Variants in CSMD1 observed in about 807,000 individuals in gnomAD.
CSMD1 encodes CUB and Sushi multiple domains 1, also known as CUB and sushi domain-containing protein 1.
Under a neutral mutation model 417.5 loss-of-function variants are expected in CSMD1, and 213 were observed. The ratio of observed to expected loss-of-function variants is 0.51; its 90% CI spans 0.46 to 0.57. The LOEUF (loss-of-function observed/expected upper bound fraction) is 0.57, where lower values mean the gene tolerates loss of function less well. CSMD1 is among the 20% of genes least tolerant of loss of function. The probability of loss-of-function intolerance (pLI) is 0.00; values close to 1 mark genes in which losing one functional copy is unlikely to be tolerated. For missense variants in CSMD1, 6,923 were observed against 4,529.7 expected, an observed-to-expected ratio of 1.53 and a Z score of -15.17; for synonymous variants, 2,862 against 1,736.8, an observed-to-expected ratio of 1.65 and a Z score of -16.11.
chr8:4,181,533 G>A (rs115720721), intron 3 of CSMD1, among the ~76,000 whole-genome samples: 1 of 152,066 alleles, frequency 6.6e-6, no homozygotes, highest in Non-Finnish European at 1.5e-5. Context: ...AATATTTTAA[G>A]AAAGTTTATG....
intron 1 of CSMD1, among the ~76,000 whole-genome samples, chr8:4,905,949 C>T (rs1217496783): frequency 6.6e-6 from 1 of 152,118 alleles, no homozygotes; most frequent in Admixed American, 6.6e-5. Context: ...TTCCCAAACC[C>T]CCATTCATTC....
intron 3 of CSMD1, among the ~76,000 whole-genome samples, chr8:4,305,434 AAAGT>A (rs1229372727): frequency 6.6e-6 from 1 of 152,170 alleles, no homozygotes; most frequent in African/African-American, 2.4e-5. Flanking sequence ...TAATCGACTA[AAAGT>A]AAGGTAAGCC....
intron 1 of CSMD1, among the ~76,000 whole-genome samples, chr8:4,718,816 T>C (rs1003656048): frequency 1.3e-5 from 2 of 152,058 alleles, no homozygotes; most frequent in Middle Eastern, 3.5e-3. Context: ...ACATGAAATA[T>C]TCAAGACCAA....
chr8:4,555,828 G>C (rs943281487), intron 2 of CSMD1, among the ~76,000 whole-genome samples: 11 of 152,014 alleles, frequency 7.2e-5, no homozygotes, highest in African/African-American at 2.7e-4. Flanking sequence ...TATACTTTAA[G>C]CCAGAGTTAT....
At chr8:3,681,621 A>T (rs927939613) in intron 7 of CSMD1, among the ~76,000 whole-genome samples, 4 of 152,210 alleles carry the variant, frequency 2.6e-5, no homozygotes, top group Admixed American at 2.6e-4. Context: ...TGCCCAAGGT[A>T]ATTTATAGAT....
rs146193541 is a variant in CSMD1 at position 4,228,854 on chromosome 8, G to T, written c.415+191099C>A. On this transcript the variant is annotated intron_variant, in intron 3 of 69. Transcript: ENST00000635120. ...GCACCACTGTGCCCAGCTAATTTTTGTATTTTTAGTAGAGACCGGCTTTCC... is the reference window on the plus strand; with the variant it reads ...GCACCACTGTGCCCAGCTAATTTTTTTATTTTTAGTAGAGACCGGCTTTCC... 5.0e-3 allele frequency among the ~76,000 whole-genome samples: 760 copies of T among 151,956 alleles called. 6 individuals carry two copies. Among genetic ancestry groups the T allele is most frequent in the African/African-American group, 0.017 (723 of 41,458 alleles).
In CSMD1 at chr8:4,766,396, G is replaced by A. The variant is rs184036984; in HGVS notation, c.86-128838C>T. Among the ~76,000 whole-genome samples, 7 of 152,292 alleles carry A rather than the reference G, an allele frequency of 4.6e-5. No individual in the cohort carries two copies. In the East Asian group the frequency reaches 7.7e-4, roughly 17 times the overall value. On this transcript the variant is annotated intron_variant, in intron 1 of 69. Coordinates refer to ENST00000635120, the MANE Select transcript of CSMD1 (RefSeq NM_033225.6). ...GGTTTGTGGATTGAACGAGAACATC[G>A]TCCAAAGCCGTGAGACAGAGTTCTC...
chr8:4,230,445 T>G (rs1801651332), intron 3 of CSMD1, among the ~76,000 whole-genome samples: 1 of 152,180 alleles, frequency 6.6e-6, no homozygotes, highest in African/African-American at 2.4e-5. Flanking sequence ...AACATATTTA[T>G]TAAATTATAT....
intron 5 of CSMD1, among the ~76,000 whole-genome samples, chr8:3,865,689 T>C (rs1202646581): frequency 1.3e-5 from 2 of 152,164 alleles, no homozygotes; most frequent in African/African-American, 2.4e-5. Context: ...CTGTTCTAGG[T>C]TCCAACGGAG....
At position 4,658,175 on chromosome 8, in the gene CSMD1, G is replaced by A. The variant is rs547755784; in HGVS notation, c.86-20617C>T. ...AGGGAAGGAGAAAGAGAAAGCAGCA[G>A]AAATAATGTTTGAATAAATGACTGC... On this transcript the variant is annotated intron_variant, in intron 1 of 69. Coordinates refer to ENST00000635120, the MANE Select transcript of CSMD1 (RefSeq NM_033225.6). 2.6e-5 allele frequency among the ~76,000 whole-genome samples: 4 copies of A among 152,034 alleles called. No homozygotes were observed. In the South Asian group the frequency reaches 8.3e-4, roughly 31 times the overall value.
intron 23 of CSMD1, among the ~76,000 whole-genome samples, chr8:3,310,386 A>G (rs922765985): frequency 5.3e-5 from 8 of 152,218 alleles, no homozygotes; most frequent in Non-Finnish European, 4.4e-5. Flanking sequence ...ACAAGTCTTT[A>G]GAAGGCAGTC....
chr8:3,031,974 G>GTATATATATA lies in CSMD1; in HGVS notation c.7661-2471_7661-2462dup, dbSNP rs60178259. On this transcript the variant is annotated intron_variant, in intron 50 of 69. Transcript: ENST00000635120. ...AGACACTATATGTGTGTATGTGTGT[G>GTATATATATA]TATATATATATATATACACATAATA... 3.1e-4 allele frequency among the ~76,000 whole-genome samples: 46 copies of GTATATATATA among 146,644 alleles called. 1 individual carries two copies. Among genetic ancestry groups the GTATATATATA allele is most frequent in the South Asian group, 1.3e-3 (6 of 4,646 alleles).
rs187485452 is a variant in CSMD1 at position 3,974,935 on chromosome 8, G to C, written c.818+22968C>G. Among the ~76,000 whole-genome samples the C allele has an allele frequency of 2.1e-4, 32 of 151,874 alleles. No homozygotes were observed. In the East Asian group the frequency reaches 4.4e-3, roughly 21 times the overall value. On this transcript the variant is annotated intron_variant, in intron 5 of 69. Transcript: ENST00000635120. ...ACAATAAAATTATCTTGATTACTTC[G>C]AACAAATCAAAACTAACACCTGTTA...
At chr8:4,910,950 A>C (rs901556310) in intron 1 of CSMD1, among the ~76,000 whole-genome samples, 1 of 152,070 alleles carries the variant, frequency 6.6e-6, no homozygotes, top group South Asian at 2.1e-4. Context: ...TGCTGTTCTC[A>C]CCTAGTGAAT....
intron 1 of CSMD1, among the ~76,000 whole-genome samples, chr8:4,969,485 C>G (rs1810103115): frequency 6.6e-6 from 1 of 151,556 alleles, no homozygotes; most frequent in African/African-American, 2.4e-5. Context: ...TTCTCTCTCT[C>G]TCTTTCTGTC....
At chr8:4,102,100 C>G (rs1222757149) in intron 3 of CSMD1, among the ~76,000 whole-genome samples, 1 of 152,144 alleles carries the variant, frequency 6.6e-6, no homozygotes, top group Non-Finnish European at 1.5e-5. Context: ...TGAAGTAATG[C>G]TCATTGAAAC....
intron 30 of CSMD1, among the ~76,000 whole-genome samples, chr8:3,208,665 T>C (rs1037863828): frequency 1.3e-5 from 2 of 152,266 alleles, no homozygotes; most frequent in Middle Eastern, 3.4e-3. Context: ...CCCAAGGAGA[T>C]TAATATTTGA....
In CSMD1 at chr8:3,931,280, A is replaced by T. The variant is rs563582416; in HGVS notation, c.818+66623T>A. On this transcript the variant is annotated intron_variant, in intron 5 of 69. Coordinates refer to ENST00000635120, the MANE Select transcript of CSMD1 (RefSeq NM_033225.6). ...ACGCTCTGCATTTTGAATTGTTAATAAATGGTATTGTGAAATTTTCAAATA... is the reference window on the plus strand; with the variant it reads ...ACGCTCTGCATTTTGAATTGTTAATTAATGGTATTGTGAAATTTTCAAATA... Among the ~76,000 whole-genome samples, 14 of 150,746 alleles carry T rather than the reference A, an allele frequency of 9.3e-5. 2 individuals carry two copies. The South Asian group carries it at 2.6e-3, about 28-fold the overall frequency.
At chr8:3,435,835 G>A (rs28526250) in intron 12 of CSMD1, among the ~76,000 whole-genome samples, 12,593 of 152,260 alleles carry the variant, frequency 0.083, 642 homozygotes, top group Middle Eastern at 0.19. Context: ...AAACATGGCA[G>A]GGGGCTGATG....
Sources: allele counts gnomAD v4.1 joint callset (sites outside exome capture counted in the v4.1 genomes callset), GRCh38; gene constraint gnomAD v4.1.1; transcripts MANE v1.5; gene names NCBI Gene and HGNC (gene_info 2026-07-23, HGNC 2026-07-21).